The following XKRX variants were observed in gnomAD, a reference collection of about 807,000 sequenced individuals.
XKRX encodes the protein XK-related protein 2.
Under a neutral mutation model 22.4 loss-of-function variants are expected in XKRX, and 11 were observed. The observed-to-expected ratio is 0.49, with a 90% CI of 0.31 to 0.81. The LOEUF is 0.81. Ranked by LOEUF, XKRX falls within the 40% of genes least tolerant of loss-of-function variation. XKRX has a pLI of 0.05. For synonymous variants in XKRX, 114 were observed against 132.2 expected, an observed-to-expected ratio of 0.86 and a Z score of 0.94; for missense variants, 320 against 336.5, an observed-to-expected ratio of 0.95 and a Z score of 0.38.
intron 2 of XKRX, among the ~76,000 whole-genome samples, chrX:100,919,266 T>C (rs764266097): frequency 2.7e-5 from 3 of 111,821 alleles, no homozygotes; most frequent in Non-Finnish European, 5.6e-5. Flanking sequence ...ACTTAAAAGA[T>C]TGGGGAAAAT....
At chrX:100,953,491 C>T in the XKRX span, among the ~76,000 whole-genome samples, 3 of 111,552 alleles carry the variant, frequency 2.7e-5, no homozygotes, top group Admixed American at 2.9e-4. Flanking sequence ...TGGACTTTAT[C>T]AAAATTAAAA....
At chrX:100,894,187 A>G in the XKRX span, among the ~76,000 whole-genome samples, 3 of 111,513 alleles carry the variant, frequency 2.7e-5, no homozygotes, top group Non-Finnish European at 3.8e-5. Flanking sequence ...GAATTGCTTG[A>G]ACCCGGCAGG....
At chrX:100,901,001 AG>A in the XKRX span, among the ~76,000 whole-genome samples, 1 of 110,198 alleles carries the variant, frequency 9.1e-6, no homozygotes, top group South Asian at 3.9e-4. Flanking sequence ...CGTGTTAGCC[AG>A]GATGGTCTCG....
chrX:100,930,009 C>T (rs775544554), upstream of XKRX, among the ~76,000 whole-genome samples: 58 of 111,175 alleles, frequency 5.2e-4, no homozygotes, highest in Non-Finnish European at 8.1e-4. Context: ...TAGATGAAGG[C>T]CAGGCACAGT....
At chrX:100,900,858 C>T in the XKRX span, among the ~76,000 whole-genome samples, 2,029 of 101,554 alleles carry the variant, frequency 0.02, 50 homozygotes, top group African/African-American at 0.07. Context: ...GTCACGATCT[C>T]GGCTCACTGC....
chrX:100,923,180 CT>C, intron 1 of XKRX, 119 bp from the exon 2 acceptor site: 1 of 884,394 alleles, frequency 1.1e-6, no homozygotes, highest in Non-Finnish European at 1.6e-6. Flanking sequence ...GAGACAAGGT[CT>C]TACTCCATCA....
the XKRX span, among the ~76,000 whole-genome samples, chrX:100,893,227 G>C: frequency 7.1e-5 from 8 of 111,911 alleles, no homozygotes; most frequent in Admixed American, 5.7e-4. Context: ...CGGTGAGGAT[G>C]AATCAGTTCT....
At chrX:100,917,712 AAGAAAG>A (rs2085451135) in intron 2 of XKRX, among the ~76,000 whole-genome samples, 1 of 108,240 alleles carries the variant, frequency 9.2e-6, no homozygotes, top group African/African-American at 3.4e-5. Flanking sequence ...GAAAGAAAGA[AAGAAAG>A]AAAGAAATCC....
chrX:100,937,286 C>A, the XKRX span, among the ~76,000 whole-genome samples: 1 of 111,505 alleles, frequency 9.0e-6, no homozygotes, highest in South Asian at 3.8e-4. Context: ...CCACCGCGCC[C>A]GGCCACCTAA....
At position 100,914,984 on chromosome X, in the gene XKRX, A is replaced by G; in HGVS notation, c.704T>C (p.Leu235Pro). Residue 235 changes from leucine (L) to proline (P), a missense_variant, in exon 3 of 3, where the codon CTT (leucine) becomes CCT (proline). Physicochemically the swap from Leu to Pro is moderately conservative, Grantham distance 98. Coordinates refer to ENST00000372956, the MANE Select transcript of XKRX (RefSeq NM_212559.3). ...QIKYDDYKIR[L>P]GPLEVLCITI... ...GATGCAGAGGACTTCTAGTGGCCCAAGGCGAATCTTGTAGTCATCGTACTT... is the reference window on the plus strand; with the variant it reads ...GATGCAGAGGACTTCTAGTGGCCCAGGGCGAATCTTGTAGTCATCGTACTT... The G allele has an allele frequency of 8.3e-7, 1 of 1,212,050 alleles. No homozygotes were observed.
rs1556189849 is a variant in XKRX at position 100,915,088 on chromosome X, T to C, written c.605-5A>G. ...GGGAAAATACCATTAGCACAACTGT[T>C]AAAAACAAAAACAAAAACAAAAACA... On this transcript the variant is annotated splice_region_variant and splice_polypyrimidine_tract_variant and intron_variant, in intron 2 of 2. Coordinates refer to ENST00000372956, the MANE Select transcript of XKRX (RefSeq NM_212559.3). 8.3e-7 allele frequency: 1 copy of C among 1,200,319 alleles called. No homozygotes were observed.
At chrX:100,904,238 T>A in the XKRX span, among the ~76,000 whole-genome samples, 6 of 111,577 alleles carry the variant, frequency 5.4e-5, no homozygotes, top group Non-Finnish European at 1.1e-4. Flanking sequence ...GCAAAGATGG[T>A]CTTTTCAACA....
intron 1 of XKRX, among the ~76,000 whole-genome samples, chrX:100,926,832 T>C (rs1162608357): frequency 8.9e-6 from 1 of 112,281 alleles, no homozygotes; most frequent in Non-Finnish European, 1.9e-5. Flanking sequence ...ATGAACTGCC[T>C]TCCTTTGCCC....
At chrX:100,900,966 A>AT in the XKRX span, among the ~76,000 whole-genome samples, 1 of 109,122 alleles carries the variant, frequency 9.2e-6, no homozygotes, top group Non-Finnish European at 1.9e-5. Flanking sequence ...ATTTTTTTGT[A>AT]TTTTTAGTAG....
At chrX:100,909,902 C>CAAA (rs5903174), downstream of XKRX, among the ~76,000 whole-genome samples, 6 of 34,546 alleles carry the variant, frequency 1.7e-4, no homozygotes, top group African/African-American at 2.6e-4. Flanking sequence ...GACTCCATCT[C>CAAA]AAAAAAAAAA....
the XKRX span, among the ~76,000 whole-genome samples, chrX:100,900,906 C>T: frequency 9.3e-6 from 1 of 107,527 alleles, no homozygotes; most frequent in Non-Finnish European, 1.9e-5. Flanking sequence ...TCTCCTGCCT[C>T]AGCCTCCCGA....
chrX:100,914,749 A>C lies in XKRX; in HGVS notation c.939T>G (p.Ile313Met), dbSNP rs771825931. 1 of 1,211,707 alleles carries C rather than the reference A, an allele frequency of 8.3e-7. No homozygotes were observed. The highest frequency in any genetic ancestry group is 3.0e-5 in the East Asian group (1 of 33,839). ...TGCCAGCATAGAGGATGGTGACTGAAATCAGGACCACCAGAGTGCCGACCC... is the reference window on the plus strand; with the variant it reads ...TGCCAGCATAGAGGATGGTGACTGACATCAGGACCACCAGAGTGCCGACCC... ...FSRVGTLVVL[I>M]SVTILYAGIN... The change falls in exon 3 of 3, where the codon ATT (isoleucine) becomes ATG (methionine). Residue 313 changes from isoleucine (I) to methionine (M), a missense_variant. Physicochemically the swap from Ile to Met is conservative, Grantham distance 10. Transcript: ENST00000372956.
the XKRX span, among the ~76,000 whole-genome samples, chrX:100,950,099 A>G: frequency 1.8e-5 from 2 of 112,132 alleles, no homozygotes; most frequent in African/African-American, 3.2e-5. Flanking sequence ...CTAAAAAGAA[A>G]TGAACAGAGC....
chrX:100,952,664 T>C, the XKRX span, among the ~76,000 whole-genome samples: 4 of 111,876 alleles, frequency 3.6e-5, no homozygotes, highest in Admixed American at 2.9e-4. Context: ...ACCCTACTGA[T>C]ACACACAACA....
Sources: allele counts gnomAD v4.1 joint callset (sites outside exome capture counted in the v4.1 genomes callset), GRCh38; gene constraint gnomAD v4.1.1; transcripts MANE v1.5; gene names NCBI Gene and HGNC (gene_info 2026-07-23, HGNC 2026-07-21).